ABCB1: variants seen among roughly 807,000 people sequenced by gnomAD.
The protein encoded by ABCB1 is ATP-dependent translocase ABCB1.
Under a neutral mutation model 142.0 loss-of-function variants are expected in ABCB1, and 69 were observed. The ratio of observed to expected loss-of-function variants is 0.49; its 90% confidence interval spans 0.40 to 0.59. The LOEUF is 0.59. Among genes scored for constraint, ABCB1 ranks in the 20% least tolerant of loss-of-function variants. The probability of loss-of-function intolerance (pLI) is 0.00; values close to 1 mark genes in which losing one functional copy is unlikely to be tolerated. For missense variants in ABCB1, 1,326 were observed against 1,554.7 expected, an observed-to-expected ratio of 0.85 and a Z score of 2.47; for synonymous variants, 532 against 539.2, an observed-to-expected ratio of 0.99 and a Z score of 0.18.
Position 87,519,311 on chromosome 7 carries a change from T to C in ABCB1, c.2927+15A>G, listed in dbSNP as rs754910304. The C allele has an allele frequency of 3.1e-5, 50 of 1,612,736 alleles. No homozygotes were observed. In the Middle Eastern group the frequency reaches 2.5e-3, roughly 80 times the overall value. On this transcript the variant is annotated intron_variant, in intron 23 of 27. Coordinates refer to ENST00000622132, the MANE Select transcript of ABCB1 (RefSeq NM_001348946.2). ...TTATTTTTAGAGCTTAACTAAATAA[T>C]AGCCCAATACTTACAACAGAACATC...
intron 1 of ABCB1, among the ~76,000 whole-genome samples, chr7:87,632,766 T>C (rs1468454888): frequency 3.4e-4 from 52 of 152,194 alleles, no homozygotes. Flanking sequence ...ATTTTGGTTT[T>C]GGTGGCAGAG....
At chr7:87,607,609 T>C (rs934600591) in intron 1 of ABCB1, among the ~76,000 whole-genome samples, 1 of 152,058 alleles carries the variant, frequency 6.6e-6, no homozygotes, top group Non-Finnish European at 1.5e-5. Context: ...TGAAGCACAG[T>C]GGCGCAATCA....
chr7:87,557,925 A>G (rs1192827291), intron 8 of ABCB1, among the ~76,000 whole-genome samples: 1 of 152,210 alleles, frequency 6.6e-6, no homozygotes, highest in Non-Finnish European at 1.5e-5. Flanking sequence ...AAGCATTAAG[A>G]AATGAGTTTA....
Position 87,614,375 on chromosome 7 carries a change from C to T in ABCB1, c.-330-13297G>A, listed in dbSNP as rs190947155. Among the ~76,000 whole-genome samples the T allele has an allele frequency of 3.0e-3, 453 of 149,722 alleles. 2 individuals carry two copies. Among genetic ancestry groups the T allele is most frequent in the African/African-American group, 0.011 (437 of 40,566 alleles). The stretch of plus-strand genomic sequence containing the variant: ...TGCCACTGCACTACAGCCTGAGCAA[C>T]AGAGCAAGACTCTATCTCAGAAAAG... On this transcript the variant is annotated intron_variant, in intron 1 of 28. Transcript: ENST00000265724.
chr7:87,548,505 T>TC (rs1412466051), intron 14 of ABCB1, among the ~76,000 whole-genome samples: 4 of 152,208 alleles, frequency 2.6e-5, no homozygotes, highest in Admixed American at 6.5e-5. Context: ...CTGCTTTTTT[T>TC]CTCTCTCAAA....
At chr7:87,567,728 T>C (rs1444022166) in intron 5 of ABCB1, among the ~76,000 whole-genome samples, 1 of 152,114 alleles carries the variant, frequency 6.6e-6, no homozygotes, top group East Asian at 1.9e-4. Context: ...ACGAGTATTG[T>C]CTTAAAAAAC....
At chr7:87,571,771 G>A (rs747810140) in intron 4 of ABCB1, among the ~76,000 whole-genome samples, 1 of 152,252 alleles carries the variant, frequency 6.6e-6, no homozygotes, top group South Asian at 2.1e-4. Context: ...TATTCAGACC[G>A]TAACTTTCCA....
At chr7:87,543,539 T>A (rs535713383) in intron 17 of ABCB1, among the ~76,000 whole-genome samples, 1 of 152,156 alleles carries the variant, frequency 6.6e-6, no homozygotes, top group Non-Finnish European at 1.5e-5. Context: ...TTTGGACATA[T>A]GTCACTAAAC....
At chr7:87,644,976 A>G (rs796843280) in intron 1 of ABCB1, among the ~76,000 whole-genome samples, 1 of 152,138 alleles carries the variant, frequency 6.6e-6, no homozygotes, top group African/African-American at 2.4e-5. Flanking sequence ...TATGTTTTAA[A>G]CAGTTTTGGT....
upstream of ABCB1, among the ~76,000 whole-genome samples, chr7:87,602,602 C>T (rs1662220715): frequency 6.6e-6 from 1 of 152,056 alleles, no homozygotes; most frequent in Non-Finnish European, 1.5e-5. Context: ...TAAACCCTCC[C>T]TAAACAGTGC....
intron 15 of ABCB1, 141 bp downstream of exon 15, chr7:87,545,722 C>CA: frequency 1.2e-6 from 1 of 835,212 alleles, no homozygotes; most frequent in South Asian, 1.9e-5. Context: ...AAATCTTAAA[C>CA]ACTGGTCTCA....
chr7:87,562,389 C>T (rs756855959), intron 7 of ABCB1, among the ~76,000 whole-genome samples: 2 of 152,136 alleles, frequency 1.3e-5, no homozygotes, highest in Admixed American at 1.3e-4. Context: ...GAACCATTCA[C>T]GGTAGGAGGT....
intron 1 of ABCB1, among the ~76,000 whole-genome samples, chr7:87,707,609 G>A (rs1014120615): frequency 2.0e-5 from 3 of 152,160 alleles, no homozygotes; most frequent in African/African-American, 7.2e-5. Context: ...GTGAGGCAGA[G>A]GTTGCAGTGA....
At chr7:87,557,623 C>T (rs527675424) in intron 8 of ABCB1, among the ~76,000 whole-genome samples, 1 of 152,268 alleles carries the variant, frequency 6.6e-6, no homozygotes, top group East Asian at 1.9e-4. Flanking sequence ...TTTGTTTATT[C>T]TTCTAATTAA....
intron 1 of ABCB1, among the ~76,000 whole-genome samples, chr7:87,661,497 A>G (rs1377626001): frequency 1.7e-4 from 25 of 151,456 alleles, no homozygotes; most frequent in Non-Finnish European, 2.9e-5. Context: ...TTTAGTTCCC[A>G]CAAATAAGTG....
intron 1 of ABCB1, among the ~76,000 whole-genome samples, chr7:87,707,275 G>A (rs1432744539): frequency 6.6e-6 from 1 of 152,130 alleles, no homozygotes; most frequent in Non-Finnish European, 1.5e-5. Context: ...ACCTATGGGT[G>A]ATAGAGACTT....
rs1156784186 is a variant in ABCB1 at position 87,613,008 on chromosome 7, TG to T, written c.-330-11931del. ...GGTTAAGAATATTCCTAGGTTTTGG[TG>T]GGTTTTTTTTTTTTTTTTAATCTAT... On this transcript the variant is annotated intron_variant, in intron 1 of 28. Transcript: ENST00000265724. 5.7e-5 allele frequency among the ~76,000 whole-genome samples: 7 copies of T among 122,918 alleles called. No homozygotes were observed. In the South Asian group the frequency reaches 1.5e-3, roughly 26 times the overall value. The allele number at this position is 122,918 out of a possible 152,430, so 80.6% of individuals were successfully genotyped here.
At chr7:87,610,396 CTTTTTTTTTTT>C (rs766581770) in intron 1 of ABCB1, among the ~76,000 whole-genome samples, 3 of 73,810 alleles carry the variant, frequency 4.1e-5, no homozygotes, top group Admixed American at 1.5e-4. Flanking sequence ...CACACCTGGC[CTTTTTTTTTTT>C]TTTTTTTTTT....
intron 17 of ABCB1, among the ~76,000 whole-genome samples, chr7:87,542,374 G>A (rs1012015681): frequency 1.3e-5 from 2 of 152,066 alleles, no homozygotes; most frequent in Non-Finnish European, 1.5e-5. Flanking sequence ...TTATCATCAC[G>A]GTTTTACACA....
Sources: gnomAD v4.1 joint callset for allele counts (sites outside exome capture counted in the v4.1 genomes callset) on GRCh38, gnomAD v4.1.1 for gene constraint, MANE v1.5 for transcripts, NCBI Gene and HGNC (gene_info 2026-07-23, HGNC 2026-07-21) for gene names.